Variants in OSMR observed in about 807,000 individuals in gnomAD.
OSMR encodes the protein oncostatin-M-specific receptor subunit beta.
Under a neutral mutation model 99.9 loss-of-function variants are expected in OSMR, and 81 were observed. That is an observed-to-expected ratio of 0.81 (90% CI 0.68 to 0.97). The LOEUF (loss-of-function observed/expected upper bound fraction) is 0.97. Among genes scored for constraint, OSMR ranks in the 50% least tolerant of loss-of-function variants. The pLI is 0.00. For missense variants in OSMR, 1,099 were observed against 1,153.4 expected, an observed-to-expected ratio of 0.95 and a Z score of 0.68; for synonymous variants, 406 against 410.4, an observed-to-expected ratio of 0.99 and a Z score of 0.13.
At chr5:38,924,877 C>T (rs1420820104) in intron 14 of OSMR, among the ~76,000 whole-genome samples, 4 of 149,026 alleles carry the variant, frequency 2.7e-5, no homozygotes, top group African/African-American at 9.9e-5. Flanking sequence ...AAACTTTCCT[C>T]TTTTTTTTTT....
chr5:38,917,745 T>G, intron 10 of OSMR, 123 bp downstream of exon 10: 1 of 740,780 alleles, frequency 1.3e-6, no homozygotes, highest in Non-Finnish European at 2.4e-6. Flanking sequence ...ATCTTCACAT[T>G]CATCCAATAG....
At chr5:38,848,625 C>T (rs1740076693) in intron 1 of OSMR, among the ~76,000 whole-genome samples, 1 of 152,138 alleles carries the variant, frequency 6.6e-6, no homozygotes, top group Admixed American at 6.5e-5. Flanking sequence ...TTTTTCTTTT[C>T]TATAGTTTTA....
chr5:38,853,341 T>C (rs1205916021), intron 1 of OSMR, among the ~76,000 whole-genome samples: 1 of 152,234 alleles, frequency 6.6e-6, no homozygotes, highest in Non-Finnish European at 1.5e-5. Context: ...TTAATCCTCA[T>C]GCCAATGCTA....
intron 2 of OSMR, chr5:38,944,763 A>T: frequency 1.2e-6 from 1 of 844,842 alleles, no homozygotes; most frequent in Non-Finnish European, 1.9e-6. Context: ...ATATAGGTGC[A>T]ATAATTAACA....
intron 15 of OSMR, chr5:38,931,671 C>A (rs961297221): frequency 2.6e-6 from 1 of 383,948 alleles, no homozygotes; most frequent in Non-Finnish European, 3.6e-6. Flanking sequence ...TTGAGACACA[C>A]GGTGTTGATG....
intron 1 of OSMR, chr5:38,942,295 A>G (rs1484974578): frequency 1.3e-6 from 2 of 1,543,420 alleles, no homozygotes; most frequent in Admixed American, 3.3e-5. Flanking sequence ...ATCCATCATA[A>G]ATATGAGGTC....
At chr5:38,870,228 A>C (rs946521155) in intron 2 of OSMR, among the ~76,000 whole-genome samples, 2 of 151,942 alleles carry the variant, frequency 1.3e-5, no homozygotes, top group African/African-American at 4.8e-5. Flanking sequence ...AGGATTTCTC[A>C]TTTGTAGTAT....
At chr5:38,866,035 A>AC (rs1336872706) in intron 1 of OSMR, among the ~76,000 whole-genome samples, 2 of 152,064 alleles carry the variant, frequency 1.3e-5, no homozygotes, top group Non-Finnish European at 2.9e-5. Flanking sequence ...CATGTTAATC[A>AC]CCAGGCTCCT....
intron 15 of OSMR, among the ~76,000 whole-genome samples, chr5:38,927,174 C>G (rs571057856): frequency 3.3e-4 from 50 of 152,334 alleles, no homozygotes; most frequent in African/African-American, 1.1e-3. Flanking sequence ...CATGGGCTGG[C>G]ATTGAGTGTC....
chr5:38,915,488 T>A (rs1392410988), intron 9 of OSMR, among the ~76,000 whole-genome samples: 2 of 152,220 alleles, frequency 1.3e-5, no homozygotes, highest in African/African-American at 4.8e-5. Flanking sequence ...ATAAGTAATT[T>A]GGATTTTATA....
At chr5:38,885,634 GT>G in intron 6 of OSMR, 150 bp downstream of exon 6, 1 of 1,087,866 alleles carries the variant, frequency 9.2e-7, no homozygotes, top group Non-Finnish European at 1.4e-6. Flanking sequence ...CCTTTAAGTG[GT>G]GACAAGTGTC....
Position 38,924,544 on chromosome 5 carries a change from A to T in OSMR, c.1993A>T (p.Lys665Ter). ...TATACAAGGGTACCATGTCTATCTG[A>T]AATCCAAGGCGAGGCAGTGCCACCC... ...GFIQGYHVYL[K>*]SKARQCHPRF... is the part of the protein sequence containing the mutation. Residue 665 changes from lysine to a stop codon, truncating the protein, a stop_gained, in exon 14 of 18, where the codon AAA (lysine) becomes TAA (stop). Coordinates refer to ENST00000274276, the MANE Select transcript of OSMR (RefSeq NM_003999.3). LOFTEE classifies it high-confidence loss of function. 1 of 1,614,182 alleles carries T rather than the reference A, an allele frequency of 6.2e-7. No individual in the cohort carries two copies. Among genetic ancestry groups the T allele is most frequent in the Non-Finnish European group, 8.5e-7 (1 of 1,179,992 alleles).
In OSMR at chr5:38,895,740, G is replaced by A. The variant is rs146918204; in HGVS notation, c.992-8142G>A. 2.6e-3 allele frequency among the ~76,000 whole-genome samples: 396 copies of A among 151,902 alleles called. 1 individual carries two copies. Among genetic ancestry groups the A allele is most frequent in the African/African-American group, 7.8e-3 (323 of 41,490 alleles). ...CTTGCATAAATTATTCCAATGTCTC[G>A]GAGAGTTTCCCCAATGTTTTCTTGT... On this transcript the variant is annotated intron_variant, in intron 7 of 17. Coordinates refer to ENST00000274276, the MANE Select transcript of OSMR (RefSeq NM_003999.3).
chr5:38,929,431 A>C (rs910646378), intron 15 of OSMR, among the ~76,000 whole-genome samples: 1 of 152,200 alleles, frequency 6.6e-6, no homozygotes, highest in Non-Finnish European at 1.5e-5. Flanking sequence ...TTGGCACTAC[A>C]TTTCCTTCTG....
chr5:38,944,829 T>C (rs573178317), intron 2 of OSMR: 3 of 1,307,124 alleles, frequency 2.3e-6, no homozygotes, highest in Non-Finnish European at 2.2e-6. Context: ...AACTTTAATT[T>C]ACAGTATTTA....
intron 1 of OSMR, chr5:38,940,654 G>A (rs530526887): frequency 3.4e-5 from 8 of 232,910 alleles, no homozygotes; most frequent in Admixed American, 1.7e-4. Flanking sequence ...TTGTTATAAT[G>A]TAAGTTGCTA....
chr5:38,914,751 A>C (rs1171318229), intron 9 of OSMR, among the ~76,000 whole-genome samples: 1 of 152,356 alleles, frequency 6.6e-6, no homozygotes, highest in African/African-American at 2.4e-5. Flanking sequence ...CCAATACTGC[A>C]TGTTCTCACT....
chr5:38,933,203 A>G lies in OSMR; in HGVS notation c.2699A>G (p.Asn900Ser), dbSNP rs771054782. 10 of 1,614,220 alleles carry G rather than the reference A, an allele frequency of 6.2e-6. No individual in the cohort carries two copies. In the East Asian group the frequency reaches 2.2e-4, roughly 36 times the overall value. Residue 900 changes from asparagine (N) to serine (S), a missense_variant, in exon 18 of 18, where the codon AAC (asparagine) becomes AGC (serine). Coordinates refer to ENST00000274276, the MANE Select transcript of OSMR (RefSeq NM_003999.3). Reference protein sequence around the residue: ...PENVLKALEKNYMNSLGEIPA... With the variant: ...PENVLKALEKSYMNSLGEIPA... The stretch of plus-strand genomic sequence containing the variant: ...AATGTACTAAAGGCACTAGAAAAAA[A>G]CTACATGAACTCCCTGGGAGAAATC...
Position 38,931,902 on chromosome 5 carries a change from C to T in OSMR, c.2232C>T (p.Ile744=). 1 of 1,613,562 alleles carries T rather than the reference C, an allele frequency of 6.2e-7. No homozygotes were observed. Residue 744 remains isoleucine, a synonymous_variant, in exon 16 of 18, where the codon ATC becomes ATT. Transcript: ENST00000274276. ...PDEHSSMLIH[I]LLPMVFCVLL... is the part of the protein sequence containing the mutation. ...GTTCAGCCTCGATGCTGATTCATAT[C>T]CTACTGCCCATGGTTTTCTGCGTCT...
Sources: gnomAD v4.1 joint callset for allele counts (sites outside exome capture counted in the v4.1 genomes callset) on GRCh38, gnomAD v4.1.1 for gene constraint, MANE v1.5 for transcripts, NCBI Gene and HGNC (gene_info 2026-07-23, HGNC 2026-07-21) for gene names.